HYDIN: variants seen among roughly 807,000 people sequenced by gnomAD.
HYDIN encodes the protein HYDIN axonemal central pair apparatus protein.
HYDIN carries 132 observed loss-of-function variants against 403.9 expected under a neutral mutation model. That is an observed-to-expected ratio of 0.33 (90% CI 0.28 to 0.38). The LOEUF is 0.38. Ranked by LOEUF, HYDIN falls within the 10% of genes least tolerant of loss-of-function variation. The pLI is 1.00. For missense variants in HYDIN, 2,827 were observed against 5,009.5 expected (o/e 0.56, Z 13.15); for synonymous variants, 1,202 against 1,891.7 (o/e 0.64, Z 9.46).
At chr16:70,818,677 A>T (rs2036014519) in intron 83 of HYDIN, 105 bp from the exon 84 acceptor site, 1 of 607,352 alleles carries the variant, frequency 1.6e-6, no homozygotes. Flanking sequence ...ATTGTTTGGC[A>T]CATGAAGCAC....
chr16:70,803,329 A>T lies in HYDIN; in HGVS notation c.*4251T>A, dbSNP rs1248216536. On this transcript the variant is annotated 3_prime_UTR_variant, in exon 86 of 86. Coordinates refer to ENST00000393567, the MANE Select transcript of HYDIN (RefSeq NM_001270974.2). ...TATCTTGAAAAATGCCAACTAGGTA[A>T]GATTATTTATGCATAATTGAGCTAG... Among the ~76,000 whole-genome samples, 1 of 152,182 alleles carries T rather than the reference A, an allele frequency of 6.6e-6. No homozygotes were observed. Among genetic ancestry groups the T allele is most frequent in the East Asian group, 1.9e-4 (1 of 5,188 alleles).
At chr16:70,883,853 G>A (rs1235147835) in intron 59 of HYDIN, 67 bp downstream of exon 59, 8 of 1,549,146 alleles carry the variant, frequency 5.2e-6, no homozygotes, top group Admixed American at 1.7e-5. Context: ...TCACAAGCGT[G>A]AGCCACTGCA....
chr16:70,922,560 T>C (rs541919308), intron 45 of HYDIN, among the ~76,000 whole-genome samples: 11 of 152,202 alleles, frequency 7.2e-5, no homozygotes, highest in Admixed American at 3.3e-4. Context: ...GAGCATGTAC[T>C]CTGCGGATAG....
chr16:70,893,111 C>T (rs2041573185), intron 55 of HYDIN, among the ~76,000 whole-genome samples: 1 of 152,174 alleles, frequency 6.6e-6, no homozygotes, highest in Non-Finnish European at 1.5e-5. Flanking sequence ...TGAATGTCAC[C>T]GCCATGCTCC....
intron 3 of HYDIN, among the ~76,000 whole-genome samples, chr16:71,180,428 C>G (rs1401294205): frequency 6.6e-6 from 1 of 151,904 alleles, no homozygotes; most frequent in African/African-American, 2.4e-5. Flanking sequence ...GCAAATTCTA[C>G]CAAACATAAA....
intron 84 of HYDIN, among the ~76,000 whole-genome samples, chr16:70,812,975 C>T (rs1294089099): frequency 2.6e-5 from 4 of 151,646 alleles, no homozygotes; most frequent in African/African-American, 9.7e-5. Context: ...TTTTTTGAGA[C>T]AGAGTCTCGC....
chr16:71,011,801 G>C (rs1047636085), intron 23 of HYDIN, among the ~76,000 whole-genome samples: 4 of 150,822 alleles, frequency 2.7e-5, no homozygotes, highest in Non-Finnish European at 5.9e-5. Flanking sequence ...AGAAAATGAG[G>C]CTCCTTCTTC....
At chr16:71,112,902 C>G (rs1166605864) in intron 10 of HYDIN, among the ~76,000 whole-genome samples, 1 of 152,034 alleles carries the variant, frequency 6.6e-6, no homozygotes, top group South Asian at 2.1e-4. Context: ...TTATTTAAGG[C>G]TATAAATAAA....
intron 62 of HYDIN, 142 bp downstream of exon 62, chr16:70,879,155 G>A: frequency 1.8e-6 from 1 of 567,348 alleles, no homozygotes; most frequent in Non-Finnish European, 3.1e-6. Flanking sequence ...ATTCCCCTCT[G>A]CATGTCCCTG....
Position 70,970,529 on chromosome 16 carries a change from T to C in HYDIN, c.5610A>G (p.Ile1870Met). The change falls in exon 36 of 86, where the codon ATA (isoleucine) becomes ATG (methionine). Residue 1870 changes from isoleucine (I) to methionine (M), a missense_variant. By Grantham distance (10) the Ile-to-Met change is conservative. Coordinates refer to ENST00000393567, the MANE Select transcript of HYDIN (RefSeq NM_001270974.2). Reference protein sequence around the residue: ...YSLEFDQQYLIEEKILRKLKG... With the variant: ...YSLEFDQQYLMEEKILRKLKG... ...TTTGACCTCTGCTCACCTTTTCTTC[T>C]ATGAGATACTGCTGATCAAATTCTA... The C allele has an allele frequency of 3.2e-6, 5 of 1,563,618 alleles. No homozygotes were observed. The highest frequency in any genetic ancestry group is 4.4e-6 in the Non-Finnish European group (5 of 1,143,782).
intron 18 of HYDIN, among the ~76,000 whole-genome samples, chr16:71,045,310 C>T (rs1448091186): frequency 1.3e-5 from 2 of 152,106 alleles, no homozygotes; most frequent in Non-Finnish European, 2.9e-5. Context: ...TCTCCTTGTT[C>T]TTAGAGGGAA....
intron 71 of HYDIN, among the ~76,000 whole-genome samples, chr16:70,859,853 C>T (rs1018557579): frequency 6.6e-6 from 1 of 152,154 alleles, no homozygotes; most frequent in African/African-American, 2.4e-5. Flanking sequence ...TTAGAGCTCT[C>T]TGCTTCTCCA....
chr16:71,171,817 C>T (rs963995198), intron 5 of HYDIN, among the ~76,000 whole-genome samples: 2 of 152,168 alleles, frequency 1.3e-5, no homozygotes, highest in Non-Finnish European at 2.9e-5. Flanking sequence ...TGTAGGCTAA[C>T]CTCAAGTCAA....
At position 70,807,862 on chromosome 16, in the gene HYDIN, A is replaced by G; in HGVS notation, c.15084T>C (p.Gly5028=). The change falls in exon 86 of 86, where the codon GGT becomes GGC. Residue 5028 remains glycine (G), a synonymous_variant. Coordinates refer to ENST00000393567, the MANE Select transcript of HYDIN (RefSeq NM_001270974.2). ...FGMALPPKPQ[G]PFSIRAGYSI... ...TGTACCCGGCTCGGATCGAGAAGGG[A>G]CCTTGGGGCTTGGGAGGCAGAGCCA... 6.2e-7 allele frequency: 1 copy of G among 1,614,106 alleles called. No homozygotes were observed. The highest frequency in any genetic ancestry group is 8.5e-7 in the Non-Finnish European group (1 of 1,179,998).
intron 62 of HYDIN, among the ~76,000 whole-genome samples, chr16:70,877,472 C>A (rs2040516597): frequency 6.6e-6 from 1 of 152,104 alleles, no homozygotes; most frequent in African/African-American, 2.4e-5. Flanking sequence ...AGTAGCAGTC[C>A]CCAACCTTTT....
rs770785494 is a variant in HYDIN at position 70,920,775 on chromosome 16, T to C, written c.7601A>G (p.Glu2534Gly). The change falls in exon 46 of 86, where the codon GAG (glutamate) becomes GGG (glycine). Residue 2534 changes from glutamate (E) to glycine (G), a missense_variant. Physicochemically the swap from Glu to Gly is moderately conservative, Grantham distance 98 (BLOSUM62 -2). Transcript: ENST00000393567. ...ERLEREKAER[E>G]RLEKLRALEE... ...CAGGGCTCGCAGCTTCTCCAGGCGC[T>C]CCCGCTCCGCCTTCTCCCTCTCCAG... The C allele has an allele frequency of 6.4e-7, 1 of 1,559,672 alleles. No homozygotes were observed.
intron 1 of HYDIN, among the ~76,000 whole-genome samples, chr16:71,215,110 C>T (rs1176323534): frequency 6.6e-6 from 1 of 152,136 alleles, no homozygotes; most frequent in Admixed American, 6.5e-5. Context: ...AACATAGAGG[C>T]CAACTTGCAG....
intron 66 of HYDIN, among the ~76,000 whole-genome samples, chr16:70,867,026 C>A (rs376823264): frequency 5.0e-5 from 5 of 99,442 alleles, no homozygotes; most frequent in African/African-American, 2.0e-4. Context: ...CTCTGTCCCC[C>A]TCAAAAAAAA....
chr16:70,806,413 G>A lies in HYDIN; in HGVS notation c.*1167C>T, dbSNP rs2035109807. ...GGGTTGTGGGGAGGTACAGAAGAAG[G>A]AGAAGAGTCTCCCTCCATGAAAGCC... On this transcript the variant is annotated 3_prime_UTR_variant, in exon 86 of 86. Coordinates refer to ENST00000393567, the MANE Select transcript of HYDIN (RefSeq NM_001270974.2). Among the ~76,000 whole-genome samples the A allele has an allele frequency of 6.6e-6, 1 of 151,654 alleles. No homozygotes were observed. The highest frequency in any genetic ancestry group is 1.5e-5 in the Non-Finnish European group (1 of 67,900).
Sources: allele counts gnomAD v4.1 joint callset (sites outside exome capture counted in the v4.1 genomes callset), GRCh38; gene constraint gnomAD v4.1.1; transcripts MANE v1.5; gene names NCBI Gene and HGNC (gene_info 2026-07-23, HGNC 2026-07-21).